The following SNTG1 variants were observed in gnomAD, a reference collection of about 807,000 sequenced individuals.
SNTG1 encodes gamma-1-syntrophin.
SNTG1 carries 39 observed loss-of-function variants against 74.7 expected under a neutral mutation model. The observed-to-expected ratio is 0.52, with a 90% confidence interval of 0.40 to 0.68. The LOEUF is 0.68. SNTG1 is among the 30% of genes least tolerant of loss of function. The pLI is 0.00. For synonymous variants in SNTG1, 254 were observed against 217.1 expected (o/e 1.17, Z -1.49); for missense variants, 685 against 609.5 (o/e 1.12, Z -1.30).
In SNTG1 at chr8:50,659,185, G is replaced by C. The variant is rs547872733; in HGVS notation, c.1038+522G>C. ...AAGAACATTCGATTGTCATATATCA[G>C]TTGAATTTCATGCCATATGCAGGAT... is the stretch of plus-strand genomic sequence containing the variant. On this transcript the variant is annotated intron_variant, in intron 15 of 18. Transcript: ENST00000642720. Among the ~76,000 whole-genome samples the C allele has an allele frequency of 1.6e-3, 246 of 152,238 alleles. 1 individual carries two copies. The highest frequency in any genetic ancestry group is 6.8e-3 in the Middle Eastern group (2 of 294).
rs573493609 is a variant in SNTG1, at chr8:50,390,430, C to T, written c.-27-3782C>T. Among the ~76,000 whole-genome samples the T allele has an allele frequency of 3.3e-5, 5 of 152,232 alleles. No individual in the cohort carries two copies. In the South Asian group the frequency reaches 1.0e-3, roughly 32 times the overall value. On this transcript the variant is annotated intron_variant, in intron 2 of 18. Transcript: ENST00000642720. ...TCTGTTCTGATCCATTGGTCTATAT[C>T]TCTGTTTTGGTACCAGTACCATGCT...
intron 4 of SNTG1, among the ~76,000 whole-genome samples, chr8:50,430,025 C>A (rs935550301): frequency 6.6e-6 from 1 of 152,004 alleles, no homozygotes; most frequent in African/African-American, 2.4e-5. Context: ...AGTGACATGG[C>A]CACATTGAAA....
intron 15 of SNTG1, among the ~76,000 whole-genome samples, chr8:50,690,960 A>T (rs188813162): frequency 1.3e-5 from 2 of 152,210 alleles, no homozygotes; most frequent in Non-Finnish European, 2.9e-5. Flanking sequence ...TATTTAGGAT[A>T]GTTAGCTCTT....
rs565634549 is a variant in SNTG1, at chr8:50,596,913, G to T, written c.849+5996G>T. Among the ~76,000 whole-genome samples the T allele has an allele frequency of 9.9e-5, 15 of 151,764 alleles. No homozygotes were observed. In the South Asian group the frequency reaches 3.1e-3, roughly 32 times the overall value. ...ACTTTAAACATTTATCATTTATTTTGGTAGTAACATTCAAAATCTCCTCTA... is the reference window on the plus strand; with the variant it reads ...ACTTTAAACATTTATCATTTATTTTTGTAGTAACATTCAAAATCTCCTCTA... On this transcript the variant is annotated intron_variant, in intron 13 of 18. Transcript: ENST00000642720.
chr8:50,756,435 G>T lies in SNTG1; in HGVS notation c.1395+4324G>T, dbSNP rs184158605. Among the ~76,000 whole-genome samples, 110 of 151,796 alleles carry T rather than the reference G, an allele frequency of 7.2e-4. 2 individuals carry two copies. In the South Asian group the frequency reaches 0.021, roughly 29 times the overall value. The stretch of plus-strand genomic sequence containing the variant: ...CATTTGGAATTAATTTTTGTGAAGG[G>T]TGTAATATTTCTGTCTAAGTTCTTT... On this transcript the variant is annotated intron_variant, in intron 18 of 18. Transcript: ENST00000642720.
chr8:50,480,860 A>G (rs989206062), intron 8 of SNTG1, among the ~76,000 whole-genome samples: 2 of 152,236 alleles, frequency 1.3e-5, no homozygotes, highest in African/African-American at 4.8e-5. Context: ...TGAAAATGAA[A>G]GAATGAACAG....
chr8:50,185,828 T>C (rs895734614), intron 2 of SNTG1, among the ~76,000 whole-genome samples: 2 of 151,990 alleles, frequency 1.3e-5, no homozygotes, highest in Non-Finnish European at 2.9e-5. Flanking sequence ...TTTTATTTTA[T>C]TTATTTTTTT....
At chr8:50,088,158 C>T (rs1378406494) in intron 1 of SNTG1, among the ~76,000 whole-genome samples, 1 of 151,418 alleles carries the variant, frequency 6.6e-6, no homozygotes, top group Non-Finnish European at 1.5e-5. Flanking sequence ...ATATGTGCCA[C>T]ATTTTCTTAA....
intron 13 of SNTG1, among the ~76,000 whole-genome samples, chr8:50,627,661 T>C (rs925712530): frequency 1.3e-5 from 2 of 152,234 alleles, no homozygotes; most frequent in Non-Finnish European, 2.9e-5. Flanking sequence ...GTTTGATTAA[T>C]TTGCTAGAGC....
At chr8:50,215,379 A>AAT (rs1366406461) in intron 2 of SNTG1, among the ~76,000 whole-genome samples, 14 of 147,908 alleles carry the variant, frequency 9.5e-5, no homozygotes, top group East Asian at 5.9e-4. Flanking sequence ...TGTGTATATA[A>AAT]ATATATATAT....
chr8:50,159,431 C>A (rs1429869072), intron 1 of SNTG1, among the ~76,000 whole-genome samples: 1 of 152,140 alleles, frequency 6.6e-6, no homozygotes, highest in Non-Finnish European at 1.5e-5. Flanking sequence ...GGCTTCTAAG[C>A]AAGTTACTCA....
At chr8:50,100,198 A>G (rs558962396) in intron 1 of SNTG1, among the ~76,000 whole-genome samples, 112 of 152,208 alleles carry the variant, frequency 7.4e-4, no homozygotes, top group African/African-American at 2.6e-3. Flanking sequence ...ACTCATATGC[A>G]GAAGCTAAAA....
chr8:49,997,453 C>G (rs558894944), intron 1 of SNTG1, among the ~76,000 whole-genome samples: 3 of 152,092 alleles, frequency 2.0e-5, no homozygotes, highest in Admixed American at 2.0e-4. Flanking sequence ...TCAGAGGAGT[C>G]ATGTACTTCC....
intron 1 of SNTG1, among the ~76,000 whole-genome samples, chr8:50,092,884 C>G (rs1285330117): frequency 6.6e-6 from 1 of 152,112 alleles, no homozygotes; most frequent in Non-Finnish European, 1.5e-5. Context: ...ATAAAACATA[C>G]TGTATTGGGA....
At chr8:50,305,321 C>G (rs1379121148) in intron 2 of SNTG1, among the ~76,000 whole-genome samples, 1 of 151,934 alleles carries the variant, frequency 6.6e-6, no homozygotes, top group Non-Finnish European at 1.5e-5. Context: ...GGTGTACCTG[C>G]TCAATTTTTG....
chr8:50,373,322 A>G (rs1468157603), intron 2 of SNTG1, among the ~76,000 whole-genome samples: 2 of 152,218 alleles, frequency 1.3e-5, no homozygotes, highest in Admixed American at 6.5e-5. Context: ...TTATGAGCTC[A>G]AATATGGTAG....
At chr8:49,962,856 G>T (rs937506186) in intron 1 of SNTG1, among the ~76,000 whole-genome samples, 1 of 152,182 alleles carries the variant, frequency 6.6e-6, no homozygotes, top group African/African-American at 2.4e-5. Context: ...GGCATCCCAA[G>T]TTCTGGGATT....
At chr8:50,725,333 G>C (rs1211350984) in intron 17 of SNTG1, among the ~76,000 whole-genome samples, 1 of 152,086 alleles carries the variant, frequency 6.6e-6, no homozygotes, top group Non-Finnish European at 1.5e-5. Context: ...TCAACTTTAT[G>C]ATATATTAGA....
At chr8:50,581,295 C>T (rs1205855742) in intron 12 of SNTG1, among the ~76,000 whole-genome samples, 1 of 152,092 alleles carries the variant, frequency 6.6e-6, no homozygotes, top group Non-Finnish European at 1.5e-5. Context: ...TAAGGAGTGA[C>T]AAGATGCTAG....
Sources: allele counts gnomAD v4.1 joint callset (sites outside exome capture counted in the v4.1 genomes callset), GRCh38; gene constraint gnomAD v4.1.1; transcripts MANE v1.5; gene names NCBI Gene and HGNC (gene_info 2026-07-23, HGNC 2026-07-21).